Variants in GSDMC observed in about 807,000 individuals in gnomAD.
GSDMC encodes the protein gasdermin C.
A neutral mutation model predicts 58.0 loss-of-function variants in GSDMC; 59 were observed. That is an observed-to-expected ratio of 1.02 (90% CI 0.82 to 1.26). GSDMC has a LOEUF of 1.26. Among genes scored for constraint, GSDMC ranks in the 50% most tolerant of loss-of-function variants. The pLI, the probability that GSDMC is intolerant of heterozygous loss-of-function variation, is 0.00. For synonymous variants in GSDMC, 241 were observed against 220.2 expected (o/e 1.09, Z -0.83); for missense variants, 659 against 598.5 (o/e 1.10, Z -1.06).
At chr8:129,746,977 C>T (rs1036398459), downstream of GSDMC, among the ~76,000 whole-genome samples, 3 of 151,846 alleles carry the variant, frequency 2.0e-5, no homozygotes, top group Non-Finnish European at 4.4e-5. Context: ...AGACTGGGAA[C>T]GGTGGCTCAC....
intron 2 of GSDMC, 25 bp downstream of exon 2, chr8:129,777,343 C>T (rs1175809555): frequency 3.5e-6 from 5 of 1,432,406 alleles, no homozygotes; most frequent in South Asian, 2.3e-5. Context: ...CACCCCTCAC[C>T]TCCTTGGCCT....
At chr8:129,734,251 T>G in the GSDMC span, among the ~76,000 whole-genome samples, 6,439 of 152,234 alleles carry the variant, frequency 0.042, 194 homozygotes, top group East Asian at 0.057. Flanking sequence ...AAAACACTCT[T>G]CAGGATATTA....
intron 6 of GSDMC, among the ~76,000 whole-genome samples, chr8:129,757,311 T>C (rs2033479594): frequency 6.6e-6 from 1 of 151,944 alleles, no homozygotes; most frequent in South Asian, 2.1e-4. Context: ...AGAAAAATGA[T>C]ACATTCCTAG....
chr8:129,731,038 T>C, the GSDMC span, among the ~76,000 whole-genome samples: 1 of 152,180 alleles, frequency 6.6e-6, no homozygotes, highest in Admixed American at 6.6e-5. Context: ...AAACATAAAG[T>C]GGTAGAAATA....
At chr8:129,783,253 A>G (rs1379298771) in intron 1 of GSDMC, among the ~76,000 whole-genome samples, 2 of 148,656 alleles carry the variant, frequency 1.3e-5, no homozygotes, top group African/African-American at 4.9e-5. Context: ...CAATGGGGGA[A>G]AAGAGAAAAA....
chr8:129,749,867 G>C, intron 12 of GSDMC, 123 bp downstream of exon 12: 1 of 752,978 alleles, frequency 1.3e-6, no homozygotes. Context: ...AGAGAGCTGT[G>C]ATGTAAGGAC....
intron 4 of GSDMC, among the ~76,000 whole-genome samples, chr8:129,765,420 G>A (rs146434399): frequency 1.8e-4 from 27 of 152,168 alleles, no homozygotes; most frequent in South Asian, 4.2e-4. Context: ...GTATGACCCC[G>A]TATAGTAAAA....
rs181217238 is a variant in GSDMC, at chr8:129,752,903, G to T, written c.722-83C>A. ...CTTGTCATAGCAGAGAGCAGAGCCA[G>T]GCTGGGCTCAATCAGTGCCAGTGCA... On this transcript the variant is annotated intron_variant, in intron 6 of 13. Transcript: ENST00000276708. 1.3e-5 allele frequency: 21 copies of T among 1,594,336 alleles called. No individual in the cohort carries two copies. The East Asian group carries it at 4.7e-4, about 36-fold the overall frequency.
At chr8:129,724,530 C>A in the GSDMC span, among the ~76,000 whole-genome samples, 1 of 151,412 alleles carries the variant, frequency 6.6e-6, no homozygotes, top group East Asian at 1.9e-4. Context: ...TCCTGGAAGG[C>A]AGGTTTTCTG....
At chr8:129,714,524 T>C in the GSDMC span, among the ~76,000 whole-genome samples, 1 of 152,244 alleles carries the variant, frequency 6.6e-6, no homozygotes, top group East Asian at 1.9e-4. Context: ...ACTGTGTATC[T>C]TATTGTTGTC....
chr8:129,749,414 C>G (rs1039778728), intron 13 of GSDMC, 38 bp downstream of exon 13: 1 of 1,396,978 alleles, frequency 7.2e-7, no homozygotes. Context: ...GTTCCCTCAC[C>G]CTCTTCCCTG....
the GSDMC span, among the ~76,000 whole-genome samples, chr8:129,719,230 A>C: frequency 1.3e-5 from 2 of 152,190 alleles, no homozygotes; most frequent in African/African-American, 4.8e-5. Context: ...GGCTATATTA[A>C]ATTCAGACGA....
chr8:129,779,487 T>C (rs1346584680), intron 1 of GSDMC, among the ~76,000 whole-genome samples: 4 of 151,952 alleles, frequency 2.6e-5, no homozygotes, highest in African/African-American at 9.7e-5. Flanking sequence ...AGGGAGATGA[T>C]CAGGAAAAAT....
At chr8:129,734,728 T>C in the GSDMC span, among the ~76,000 whole-genome samples, 2 of 152,164 alleles carry the variant, frequency 1.3e-5, no homozygotes, top group Non-Finnish European at 2.9e-5. Context: ...GTAAAGACCA[T>C]TGATGCTAGG....
downstream of GSDMC, among the ~76,000 whole-genome samples, chr8:129,743,503 G>A (rs562637918): frequency 2.2e-4 from 33 of 152,188 alleles, 1 homozygote; most frequent in South Asian, 6.4e-3. Context: ...ATAATAAGCT[G>A]TTTTAAAGTC....
At chr8:129,713,115 C>T in the GSDMC span, among the ~76,000 whole-genome samples, 1 of 152,246 alleles carries the variant, frequency 6.6e-6, no homozygotes, top group Non-Finnish European at 1.5e-5. Flanking sequence ...CTCATGAGCT[C>T]ACTATGGACT....
the GSDMC span, among the ~76,000 whole-genome samples, chr8:129,740,370 T>C: frequency 2.6e-5 from 4 of 152,202 alleles, no homozygotes; most frequent in African/African-American, 9.6e-5. Flanking sequence ...TCAGAGCAAC[T>C]TTCAGTTCAT....
the GSDMC span, among the ~76,000 whole-genome samples, chr8:129,736,269 G>A: frequency 1.3e-5 from 2 of 152,078 alleles, no homozygotes; most frequent in Non-Finnish European, 2.9e-5. Context: ...TAGAAAAACA[G>A]GGAATCCTAA....
chr8:129,755,271 C>T (rs867723899), intron 6 of GSDMC, among the ~76,000 whole-genome samples: 96 of 152,212 alleles, frequency 6.3e-4, no homozygotes, highest in Non-Finnish European at 4.1e-4. Context: ...TGGCAGCAGA[C>T]TTTTCACTGG....
Sources: gnomAD v4.1 joint callset for allele counts (sites outside exome capture counted in the v4.1 genomes callset) on GRCh38, gnomAD v4.1.1 for gene constraint, MANE v1.5 for transcripts, NCBI Gene and HGNC (gene_info 2026-07-23, HGNC 2026-07-21) for gene names.